The following RBFOX3 variants were observed in gnomAD, a reference collection of about 807,000 sequenced individuals.
RBFOX3 encodes the protein RNA binding fox-1 homolog 3.
RBFOX3 carries 17 observed loss-of-function variants against 48.7 expected under a neutral mutation model. The ratio of observed to expected loss-of-function variants is 0.35; its 90% confidence interval spans 0.24 to 0.52. RBFOX3 has a LOEUF of 0.52. Ranked by LOEUF, RBFOX3 falls within the 20% of genes least tolerant of loss-of-function variation. The probability of loss-of-function intolerance (pLI) is 0.94; values close to 1 mark genes in which losing one functional copy is unlikely to be tolerated. For missense variants in RBFOX3, 382 were observed against 497.5 expected (o/e 0.77, Z 2.21); for synonymous variants, 212 against 209.5 (o/e 1.01, Z -0.10).
In RBFOX3 at chr17:79,445,761, CCT is replaced by C. The variant is rs1422457752; in HGVS notation, c.-175+36691_-175+36692del. 5.3e-5 allele frequency among the ~76,000 whole-genome samples: 8 copies of C among 152,200 alleles called. No homozygotes were observed. In the East Asian group the frequency reaches 1.5e-3, roughly 29 times the overall value. ...AAGAAGCTGCTCGGCTGGGTGTTGC[CCT>C]GTTTTATTGCTAGAACCTTCTGATT... On this transcript the variant is annotated intron_variant, in intron 2 of 14. Coordinates refer to ENST00000693108, the MANE Select transcript of RBFOX3 (RefSeq NM_001350451.2).
chr17:79,346,557 G>A (rs2082955407), intron 2 of RBFOX3, among the ~76,000 whole-genome samples: 1 of 152,156 alleles, frequency 6.6e-6, no homozygotes, highest in African/African-American at 2.4e-5. Flanking sequence ...TTCATGCTCT[G>A]CTCCTCAGAG....
chr17:79,465,153 G>A (rs984946276), intron 2 of RBFOX3, among the ~76,000 whole-genome samples: 10 of 152,138 alleles, frequency 6.6e-5, no homozygotes, highest in East Asian at 5.8e-4. Flanking sequence ...CCCTCGAGCC[G>A]ATGAAACGCA....
At chr17:79,131,100 G>C (rs376905448) in intron 4 of RBFOX3, among the ~76,000 whole-genome samples, 7 of 151,786 alleles carry the variant, frequency 4.6e-5, no homozygotes, top group African/African-American at 1.7e-4. Context: ...TGTGTGCCCC[G>C]TGTGTGCACA....
intron 2 of RBFOX3, among the ~76,000 whole-genome samples, chr17:79,330,092 G>C (rs2079992598): frequency 6.6e-6 from 1 of 152,216 alleles, no homozygotes; most frequent in African/African-American, 2.4e-5. Flanking sequence ...GAACTCCAGA[G>C]ACTCTTGTGT....
chr17:79,220,010 TG>T lies in RBFOX3; in HGVS notation c.-34+15755del, dbSNP rs2059527358. ...TGGCCGACAGCCAGCACTTCCTGTC[TG>T]GGGACACCTCCAACCGGCACCCCTG... On this transcript the variant is annotated intron_variant, in intron 4 of 14. Coordinates refer to ENST00000693108, the MANE Select transcript of RBFOX3 (RefSeq NM_001350451.2). This position sits in a 1 kb window ranked among gnomAD's most constrained non-coding sequence, Gnocchi z 5.9. Among the ~76,000 whole-genome samples the T allele has an allele frequency of 8.2e-6, 1 of 122,272 alleles. No homozygotes were observed. Among genetic ancestry groups the T allele is most frequent in the Non-Finnish European group, 1.6e-5 (1 of 60,962 alleles). The allele number at this position is 122,272 out of a possible 152,430, so 80.2% of individuals were successfully genotyped here.
At chr17:79,168,586 C>T (rs966043184) in intron 4 of RBFOX3, among the ~76,000 whole-genome samples, 1 of 152,210 alleles carries the variant, frequency 6.6e-6, no homozygotes, top group Non-Finnish European at 1.5e-5. Flanking sequence ...GAAACTGAGG[C>T]TCTGAGGGGA....
At chr17:79,461,918 T>A (rs1299683274) in intron 2 of RBFOX3, among the ~76,000 whole-genome samples, 1 of 152,116 alleles carries the variant, frequency 6.6e-6, no homozygotes, top group East Asian at 1.9e-4. Context: ...GCAAGGGAAG[T>A]TCTTCCTCAA....
rs777454388 is a variant in RBFOX3, at chr17:79,497,050, C to T, written c.-319-14452G>A. On this transcript the variant is annotated intron_variant, in intron 1 of 14. Coordinates refer to ENST00000693108, the MANE Select transcript of RBFOX3 (RefSeq NM_001350451.2). The stretch of plus-strand genomic sequence containing the variant: ...AAGAAGCGGGGCTGTCATGAGCCTG[C>T]ACTGGCTGAGGCCATCATGAGAGCC... 8.5e-4 allele frequency among the ~76,000 whole-genome samples: 130 copies of T among 152,300 alleles called. No homozygotes were observed. In the Middle Eastern group the frequency reaches 0.037, roughly 44 times the overall value.
intron 2 of RBFOX3, among the ~76,000 whole-genome samples, chr17:79,308,803 A>G (rs1346170515): frequency 2.4e-5 from 3 of 125,438 alleles, no homozygotes; most frequent in Non-Finnish European, 4.8e-5. Flanking sequence ...TGGATTTCCC[A>G]GTCTCCACAA....
At chr17:79,590,141 C>G (rs1011267619) in intron 1 of RBFOX3, among the ~76,000 whole-genome samples, 311 of 152,244 alleles carry the variant, frequency 2.0e-3, no homozygotes, top group African/African-American at 7.2e-3. Flanking sequence ...CCCCACCCCC[C>G]AGGCCACACA....
intron 3 of RBFOX3, among the ~76,000 whole-genome samples, chr17:79,285,400 A>G (rs963501331): frequency 3.3e-5 from 5 of 152,238 alleles, no homozygotes; most frequent in South Asian, 2.1e-4. Context: ...TCATAACCAT[A>G]TATTCCTGCT....
Position 79,374,861 on chromosome 17 carries a change from CTATT to C in RBFOX3, c.-174-67041_-174-67038del, listed in dbSNP as rs760139482. Among the ~76,000 whole-genome samples the C allele has an allele frequency of 6.0e-4, 91 of 152,202 alleles. 1 individual carries two copies. Among genetic ancestry groups the C allele is most frequent in the Non-Finnish European group, 1.1e-3 (73 of 68,036 alleles). On this transcript the variant is annotated intron_variant, in intron 2 of 14. Transcript: ENST00000693108. Reference sequence around the variant, plus strand: ...AAATATGATTTGATTGAAAGAAACTCTATTTACTCTATTTCCAGGCAACATCCAC... The same window carrying C: ...AAATATGATTTGATTGAAAGAAACTCTACTCTATTTCCAGGCAACATCCAC...
intron 4 of RBFOX3, among the ~76,000 whole-genome samples, chr17:79,133,904 G>A (rs1178057454): frequency 2.0e-5 from 3 of 152,234 alleles, no homozygotes; most frequent in African/African-American, 4.8e-5. Flanking sequence ...TCTCCCCCAG[G>A]GTTCCAGGGC....
In RBFOX3 at chr17:79,362,620, C is replaced by G. The variant is rs2086597637; in HGVS notation, c.-174-54796G>C. Among the ~76,000 whole-genome samples, 1 of 152,204 alleles carries G rather than the reference C, an allele frequency of 6.6e-6. No individual in the cohort carries two copies. The highest frequency in any genetic ancestry group is 2.4e-5 in the African/African-American group (1 of 41,454). ...AGGCCTCTTTGCAAAGCTTGAATACCTGGCGCCCCAGGAAAATGAGAGCCG... is the reference window on the plus strand; with the variant it reads ...AGGCCTCTTTGCAAAGCTTGAATACGTGGCGCCCCAGGAAAATGAGAGCCG... On this transcript the variant is annotated intron_variant, in intron 2 of 14. Coordinates refer to ENST00000693108, the MANE Select transcript of RBFOX3 (RefSeq NM_001350451.2). This position sits in a 1 kb window ranked among gnomAD's most constrained non-coding sequence, Gnocchi z 4.2.
At chr17:79,216,835 A>G (rs1257690319) in intron 4 of RBFOX3, among the ~76,000 whole-genome samples, 1 of 110,556 alleles carries the variant, frequency 9.0e-6, no homozygotes, top group Non-Finnish European at 2.2e-5. Context: ...GCAGCTGCCA[A>G]GTGGCAGAGC....
intron 8 of RBFOX3, among the ~76,000 whole-genome samples, chr17:79,102,009 T>G (rs1036474944): frequency 6.6e-6 from 1 of 151,968 alleles, no homozygotes; most frequent in South Asian, 2.1e-4. Context: ...GGATGCCCCC[T>G]CCTCCCTGAG....
chr17:79,240,152 AC>A (rs2062151443), intron 3 of RBFOX3, among the ~76,000 whole-genome samples: 2 of 152,146 alleles, frequency 1.3e-5, no homozygotes, highest in African/African-American at 4.8e-5. Flanking sequence ...AAAGCCTTTA[AC>A]CCTAGCTGTC....
At chr17:79,283,239 T>A (rs9907094) in intron 3 of RBFOX3, among the ~76,000 whole-genome samples, 77,596 of 150,574 alleles carry the variant, frequency 0.52, 20,479 homozygotes, top group African/African-American at 0.6. Flanking sequence ...CTGCCTGTGC[T>A]AAGGTAATAT....
chr17:79,483,835 G>T (rs2066090844), intron 1 of RBFOX3, among the ~76,000 whole-genome samples: 1 of 152,136 alleles, frequency 6.6e-6, no homozygotes, highest in African/African-American at 2.4e-5. Context: ...AATACTTCTG[G>T]GTTTATTTAG....
Sources: allele counts gnomAD v4.1 joint callset (sites outside exome capture counted in the v4.1 genomes callset), GRCh38; gene constraint gnomAD v4.1.1; non-coding constraint Gnocchi (gnomAD v3.1); transcripts MANE v1.5; gene names NCBI Gene and HGNC (gene_info 2026-07-23, HGNC 2026-07-21).